Variants in H2BC5 observed in about 807,000 individuals in gnomAD.
The protein encoded by H2BC5 is H2B clustered histone 5.
H2BC5 carries 9 observed loss-of-function variants against 5.7 expected under a neutral mutation model. That is an observed-to-expected ratio of 1.57 (90% CI 0.95 to 2.74). H2BC5 has a LOEUF of 2.74. H2BC5 is among the 30% of genes most tolerant of loss of function. H2BC5 has a pLI of 0.00. For synonymous variants in H2BC5, 133 were observed against 70.9 expected, an observed-to-expected ratio of 1.88 and a Z score of -4.40; for missense variants, 175 against 168.8, an observed-to-expected ratio of 1.04 and a Z score of -0.20.
Position 26,158,295 on chromosome 6 carries a change from G to A in H2BC5, c.126G>A (p.Val42=), listed in dbSNP as rs1561967793. The A allele has an allele frequency of 2.5e-6, 4 of 1,614,132 alleles. No individual in the cohort carries two copies. The highest frequency in any genetic ancestry group is 8.5e-7 in the Non-Finnish European group (1 of 1,180,060). The change falls in exon 1 of 1, where the codon GTG becomes GTA. Residue 42 remains valine (V), a synonymous_variant. Transcript: ENST00000377777. The part of the protein sequence containing the change: ...RSRKESYSVY[V]YKVLKQVHPD... ...GCAAGGAGAGCTATTCAGTGTATGTGTACAAGGTGCTGAAGCAGGTCCATC... is the reference window on the plus strand; with the variant it reads ...GCAAGGAGAGCTATTCAGTGTATGTATACAAGGTGCTGAAGCAGGTCCATC...
At chr6:26,165,209 C>T (rs535733405) in intron 1 of H2BC5, among the ~76,000 whole-genome samples, 4 of 152,142 alleles carry the variant, frequency 2.6e-5, no homozygotes, top group Admixed American at 6.5e-5. Context: ...AGTGGGAATC[C>T]GAAATACCCA....
intron 1 of H2BC5, among the ~76,000 whole-genome samples, chr6:26,167,049 C>CTTTTTTTTTTTTTTTTTTTTTTTTTTTCT (rs149341201): frequency 2.1e-5 from 2 of 97,026 alleles, no homozygotes. Flanking sequence ...TTTGTTTTCT[C>CTTTTTTTTTTTTTTTTTTTTTTTTTTTCT]TTTTTTTTTT....
At chr6:26,166,446 G>A (rs920942153) in intron 1 of H2BC5, among the ~76,000 whole-genome samples, 9 of 151,948 alleles carry the variant, frequency 5.9e-5, no homozygotes, top group African/African-American at 1.7e-4. Flanking sequence ...TTCAGGTCAC[G>A]CAGCCATGTA....
In H2BC5 at chr6:26,158,299, A is replaced by T. The variant is rs755392105; in HGVS notation, c.130A>T (p.Lys44Ter). ...RKESYSVYVY[K>*]VLKQVHPDTG... ...GGAGAGCTATTCAGTGTATGTGTAC[A>T]AGGTGCTGAAGCAGGTCCATCCCGA... The change falls in exon 1 of 1, where the codon AAG (lysine) becomes TAG (stop). Residue 44 changes from lysine to a stop codon, truncating the protein, a stop_gained. Coordinates refer to ENST00000377777, the MANE Select transcript of H2BC5 (RefSeq NM_021063.4). LOFTEE classifies it high-confidence loss of function. 2 of 1,614,268 alleles carry T rather than the reference A, an allele frequency of 1.2e-6. No individual in the cohort carries two copies. Among genetic ancestry groups the T allele is most frequent in the Admixed American group, 1.7e-5 (1 of 60,034 alleles).
intron 1 of H2BC5, chr6:26,164,305 C>G (rs1309732198): frequency 4.0e-6 from 1 of 250,890 alleles, no homozygotes; most frequent in Admixed American, 4.9e-5. Context: ...AGTGGACAAG[C>G]CAGCACTCAG....
downstream of H2BC5, chr6:26,161,326 T>C (rs182333056): frequency 6.6e-6 from 1 of 152,204 alleles, no homozygotes. Context: ...AATAAACATG[T>C]AATTATAAGA....
chr6:26,168,500 G>C (rs1411622659), intron 1 of H2BC5, among the ~76,000 whole-genome samples: 1 of 151,168 alleles, frequency 6.6e-6, no homozygotes, highest in Middle Eastern at 3.4e-3. Flanking sequence ...ATAAAAATTT[G>C]ATAAGGCAAA....
At chr6:26,165,640 T>C (rs1376739740) in intron 1 of H2BC5, among the ~76,000 whole-genome samples, 1 of 152,150 alleles carries the variant, frequency 6.6e-6, no homozygotes, top group East Asian at 1.9e-4. Flanking sequence ...CACCCACAGC[T>C]GAGGCTTGGA....
At chr6:26,159,422 G>C (rs79030956), downstream of H2BC5, among the ~76,000 whole-genome samples, 287 of 152,076 alleles carry the variant, frequency 1.9e-3, 2 homozygotes, top group East Asian at 0.012. Context: ...CCCTGAGTAC[G>C]GAGGACTGGA....
intron 1 of H2BC5, among the ~76,000 whole-genome samples, chr6:26,165,755 TC>T (rs1764412128): frequency 6.6e-6 from 1 of 152,020 alleles, no homozygotes; most frequent in Non-Finnish European, 1.5e-5. Context: ...CCTGGTCTCA[TC>T]CCCCCTCTGT....
chr6:26,166,519 G>A lies in H2BC5; in HGVS notation c.*10-4456G>A, dbSNP rs190920050. On this transcript the variant is annotated intron_variant, in intron 1 of 1. Coordinates refer to the H2BC5 transcript ENST00000289316. ...ATGCTGCTTCTGGGGGCACAAAGAA[G>A]CCTTGGGATGTGGGGGAAGGCTGTT... Among the ~76,000 whole-genome samples, 5 of 152,162 alleles carry A rather than the reference G, an allele frequency of 3.3e-5. No homozygotes were observed. The East Asian group carries it at 9.7e-4, about 29-fold the overall frequency.
chr6:26,167,049 C>CTTTTT lies in H2BC5; in HGVS notation c.*10-3908_*10-3904dup, dbSNP rs149341201. ...CTTTTCTTTCTTTTTTTTGTTTTCT[C>CTTTTT]TTTTTTTTTTTTTTTTTTTTTTGTA... On this transcript the variant is annotated intron_variant, in intron 1 of 1. Transcript: ENST00000289316. Among the ~76,000 whole-genome samples the CTTTTT allele has an allele frequency of 1.9e-3, 187 of 97,032 alleles. 3 individuals are homozygous for CTTTTT. The highest frequency in any genetic ancestry group is 5.2e-3 in the African/African-American group (128 of 24,762). The allele number at this position is 97,032 out of a possible 152,430, so 63.7% of individuals were successfully genotyped here. A position where few individuals can be genotyped will look rare whatever the true frequency, so the allele number is the denominator to read the frequency against.
At chr6:26,163,479 T>G (rs779827788), downstream of H2BC5, 2 of 152,112 alleles carry the variant, frequency 1.3e-5, no homozygotes, top group African/African-American at 2.4e-5. Flanking sequence ...GGGTCTTCCT[T>G]GAGGTTGAAG....
chr6:26,162,451 G>A (rs9467684), downstream of H2BC5, among the ~76,000 whole-genome samples: 7,612 of 152,216 alleles, frequency 0.05, 390 homozygotes, highest in African/African-American at 0.12. Context: ...AAATGACTTC[G>A]GTGGTTGATG....
chr6:26,166,692 CTTTTTTTTTTTTT>C (rs139697089), intron 1 of H2BC5, among the ~76,000 whole-genome samples: 1 of 90,164 alleles, frequency 1.1e-5, no homozygotes, highest in South Asian at 3.8e-4. Context: ...ATACTTTTGG[CTTTTTTTTTTTTT>C]TTTTTTTTTT....
intron 1 of H2BC5, among the ~76,000 whole-genome samples, chr6:26,165,403 G>A (rs145461176): frequency 1.6e-4 from 25 of 152,172 alleles, no homozygotes; most frequent in Middle Eastern, 3.4e-3. Flanking sequence ...CTATTGCATC[G>A]TTTGAAGCTG....
At chr6:26,167,046 T>C (rs1437992649) in intron 1 of H2BC5, among the ~76,000 whole-genome samples, 3 of 95,184 alleles carry the variant, frequency 3.2e-5, no homozygotes, top group Non-Finnish European at 4.3e-5. Context: ...TTTTTTGTTT[T>C]CTCTTTTTTT....
chr6:26,166,814 C>G (rs961280915), intron 1 of H2BC5, among the ~76,000 whole-genome samples: 6 of 143,096 alleles, frequency 4.2e-5, no homozygotes, highest in Non-Finnish European at 9.0e-5. Flanking sequence ...ATTCTTCTGT[C>G]TTAGCCTCCC....
At chr6:26,166,831 G>T (rs947447495) in intron 1 of H2BC5, among the ~76,000 whole-genome samples, 6 of 149,988 alleles carry the variant, frequency 4.0e-5, no homozygotes, top group African/African-American at 1.5e-4. Flanking sequence ...TCCCTGAGTA[G>T]CTGGGACTAC....
Sources: gnomAD v4.1 joint callset for allele counts (sites outside exome capture counted in the v4.1 genomes callset) on GRCh38, gnomAD v4.1.1 for gene constraint, MANE v1.5 for transcripts, NCBI Gene and HGNC (gene_info 2026-07-23, HGNC 2026-07-21) for gene names.